SEM1: variants seen among roughly 807,000 people sequenced by gnomAD.
The protein encoded by SEM1 is SEM1 26S proteasome subunit.
SEM1 carries 3 observed loss-of-function variants against 12.7 expected under a neutral mutation model. That is an observed-to-expected ratio of 0.24 (90% CI 0.11 to 0.61). SEM1 has a LOEUF of 0.61. Ranked by LOEUF, SEM1 falls within the 20% of genes least tolerant of loss-of-function variation. The pLI is 0.88. For synonymous variants in SEM1, 30 were observed against 27.8 expected, an observed-to-expected ratio of 1.08 and a Z score of -0.25; for missense variants, 59 against 81.3, an observed-to-expected ratio of 0.73 and a Z score of 1.06.
At chr7:96,677,769 G>T (rs1032789238) in intron 2 of SEM1, among the ~76,000 whole-genome samples, 1 of 151,920 alleles carries the variant, frequency 6.6e-6, no homozygotes, top group Non-Finnish European at 1.5e-5. Flanking sequence ...AGAGGGTGGG[G>T]AAGGGGAGTA....
chr7:96,512,228 G>T (rs563520711), intron 2 of SEM1, among the ~76,000 whole-genome samples: 1 of 152,046 alleles, frequency 6.6e-6, no homozygotes, highest in Non-Finnish European at 1.5e-5. Context: ...ATAGAGTAGG[G>T]AGAGCCTGAC....
At chr7:96,605,957 T>C (rs904156396) in intron 2 of SEM1, among the ~76,000 whole-genome samples, 1 of 152,156 alleles carries the variant, frequency 6.6e-6, no homozygotes, top group African/African-American at 2.4e-5. Flanking sequence ...ATGCTACCCT[T>C]CCGCTAGTCA....
At chr7:96,675,517 T>G (rs1789428049) in intron 2 of SEM1, among the ~76,000 whole-genome samples, 1 of 152,042 alleles carries the variant, frequency 6.6e-6, no homozygotes, top group South Asian at 2.1e-4. Context: ...ATAACAGACA[T>G]TTACCATTTT....
chr7:96,589,822 A>C (rs893846318), intron 2 of SEM1, among the ~76,000 whole-genome samples: 4 of 152,194 alleles, frequency 2.6e-5, no homozygotes, highest in Non-Finnish European at 4.4e-5. Flanking sequence ...TTTTAATTAG[A>C]CTACTATTTC....
chr7:96,647,945 TG>T (rs1240341246), intron 2 of SEM1, among the ~76,000 whole-genome samples: 1 of 152,208 alleles, frequency 6.6e-6, no homozygotes, highest in Admixed American at 6.5e-5. Context: ...GTGAAATTTT[TG>T]AAAATTACAT....
At chr7:96,659,798 G>A (rs575427763) in intron 2 of SEM1, among the ~76,000 whole-genome samples, 17 of 150,692 alleles carry the variant, frequency 1.1e-4, no homozygotes, top group African/African-American at 3.4e-4. Flanking sequence ...CAAACTAATA[G>A]AGGGAAAAAT....
chr7:96,510,121 A>T (rs897512015), intron 2 of SEM1, among the ~76,000 whole-genome samples: 1 of 152,180 alleles, frequency 6.6e-6, no homozygotes, highest in Non-Finnish European at 1.5e-5. Context: ...TTAAATTCAA[A>T]TCTATTGTAT....
At chr7:96,488,432 A>G (rs1221907114) in intron 1 of SEM1, among the ~76,000 whole-genome samples, 3 of 152,172 alleles carry the variant, frequency 2.0e-5, no homozygotes, top group African/African-American at 7.2e-5. Flanking sequence ...AGTACTTTTT[A>G]CCTTAATGCT....
Position 96,589,519 on chromosome 7 carries a change from A to G in SEM1, c.171-82821T>C, listed in dbSNP as rs577176799. On this transcript the variant is annotated intron_variant and NMD_transcript_variant, in intron 2 of 3. Transcript: ENST00000466986. ...CCTGGCAGTCCCTGTGTGTAACTCC[A>G]TTGTGTGTACCCCCACCTGCTGCCA... Among the ~76,000 whole-genome samples the G allele has an allele frequency of 5.3e-5, 8 of 152,142 alleles. No individual in the cohort carries two copies. The South Asian group carries it at 1.7e-3, about 32-fold the overall frequency.
At chr7:96,575,685 G>A (rs926186922) in intron 2 of SEM1, among the ~76,000 whole-genome samples, 20 of 152,254 alleles carry the variant, frequency 1.3e-4, no homozygotes, top group Non-Finnish European at 2.1e-4. Context: ...GGAATCCAGA[G>A]AAGCAGTCTG....
At chr7:96,602,372 G>C (rs1807221686) in intron 2 of SEM1, among the ~76,000 whole-genome samples, 3 of 152,312 alleles carry the variant, frequency 2.0e-5, no homozygotes, top group African/African-American at 7.2e-5. Context: ...CATGGCATCA[G>C]CAGCTGGGGC....
intron 2 of SEM1, among the ~76,000 whole-genome samples, chr7:96,629,177 T>C (rs1808167300): frequency 6.6e-6 from 1 of 152,142 alleles, no homozygotes; most frequent in Non-Finnish European, 1.5e-5. Context: ...GATATGGGTA[T>C]CTTTCTCTAG....
chr7:96,621,199 T>C (rs10265439), downstream of SEM1, among the ~76,000 whole-genome samples: 4,313 of 152,284 alleles, frequency 0.028, 186 homozygotes, highest in African/African-American at 0.099. Context: ...AATTTTGCTT[T>C]CTTTTTCTTT....
intron 2 of SEM1, among the ~76,000 whole-genome samples, chr7:96,614,331 G>A (rs978343706): frequency 6.6e-6 from 1 of 152,134 alleles, no homozygotes; most frequent in African/African-American, 2.4e-5. Context: ...TGAATAGAAA[G>A]TGTTTTTATT....
chr7:96,675,777 G>A (rs1242389309), intron 2 of SEM1, among the ~76,000 whole-genome samples: 1 of 152,168 alleles, frequency 6.6e-6, no homozygotes, highest in Non-Finnish European at 1.5e-5. Flanking sequence ...GTGATGCAAA[G>A]GAAGAGGACA....
chr7:96,563,355 G>A (rs4352775), intron 2 of SEM1, among the ~76,000 whole-genome samples: 140,712 of 151,866 alleles, frequency 0.93, 65,435 homozygotes, highest in Non-Finnish European at 0.98. Context: ...AGGTTTGGGG[G>A]AAAAAAAGGA....
chr7:96,633,052 C>A (rs1456351885), intron 2 of SEM1, among the ~76,000 whole-genome samples: 1 of 151,972 alleles, frequency 6.6e-6, no homozygotes, highest in Non-Finnish European at 1.5e-5. Flanking sequence ...ACTCTACTGG[C>A]TGAATGTTGC....
intron 2 of SEM1, among the ~76,000 whole-genome samples, chr7:96,633,820 C>T (rs899007529): frequency 6.6e-6 from 1 of 152,110 alleles, no homozygotes; most frequent in South Asian, 2.1e-4. Context: ...GAGTAAAGGG[C>T]TTAACTCTTG....
chr7:96,602,899 C>G (rs1311670496), intron 2 of SEM1, among the ~76,000 whole-genome samples: 1 of 151,970 alleles, frequency 6.6e-6, no homozygotes, highest in African/African-American at 2.4e-5. Context: ...TGACGTACAG[C>G]CAGAGAGAAG....
Sources: gnomAD v4.1 joint callset for allele counts (sites outside exome capture counted in the v4.1 genomes callset) on GRCh38, gnomAD v4.1.1 for gene constraint, MANE v1.5 for transcripts, NCBI Gene and HGNC (gene_info 2026-07-23, HGNC 2026-07-21) for gene names.